Variants in ELL2 observed in about 807,000 individuals in gnomAD.
The protein encoded by ELL2 is RNA polymerase II elongation factor ELL2.
In ELL2, 21 loss-of-function variants were observed where a neutral mutation model predicts 72.8. That is an observed-to-expected ratio of 0.29 (90% CI 0.20 to 0.42). The LOEUF is 0.42. Ranked by LOEUF, ELL2 falls within the 10% of genes least tolerant of loss-of-function variation. The pLI, the probability that ELL2 is intolerant of heterozygous loss-of-function variation, is 1.00. For synonymous variants in ELL2, 266 were observed against 283.2 expected (o/e 0.94, Z 0.61); for missense variants, 568 against 772.8 (o/e 0.73, Z 3.14).
chr5:95,944,580 A>G (rs1037140655), intron 1 of ELL2, among the ~76,000 whole-genome samples: 1 of 152,240 alleles, frequency 6.6e-6, no homozygotes, highest in Non-Finnish European at 1.5e-5. Flanking sequence ...GCCACCCCCA[A>G]ACTACTTTCC....
chr5:95,961,078 C>A (rs1337334431), intron 1 of ELL2, among the ~76,000 whole-genome samples: 1 of 152,036 alleles, frequency 6.6e-6, no homozygotes, highest in African/African-American at 2.4e-5. Context: ...AAGGTCCCAC[C>A]CCCACACGCG....
chr5:95,905,423 C>T (rs11741590), intron 5 of ELL2, among the ~76,000 whole-genome samples: 56,783 of 151,974 alleles, frequency 0.37, 11,949 homozygotes, highest in African/African-American at 0.58. Context: ...TTACCAAATG[C>T]TTTGTGATTT....
At chr5:95,929,703 A>G (rs1750526096) in intron 2 of ELL2, among the ~76,000 whole-genome samples, 1 of 152,100 alleles carries the variant, frequency 6.6e-6, no homozygotes, top group African/African-American at 2.4e-5. Context: ...ATGGATTTGA[A>G]ATAGATGACT....
Position 95,929,852 on chromosome 5 carries a change from G to A in ELL2, c.196-10307C>T, listed in dbSNP as rs4563648. On this transcript the variant is annotated intron_variant, in intron 2 of 11. Coordinates refer to ENST00000237853, the MANE Select transcript of ELL2 (RefSeq NM_012081.6). ...CCTGCTGTGTGGTACAAATGTCAGG[G>A]TGAGAAAGTTTCTAACCTCTCTTAT... 0.38 allele frequency among the ~76,000 whole-genome samples: 57,253 copies of A among 151,256 alleles called. 12,278 individuals carry two copies. The highest frequency in any genetic ancestry group is 0.59 in the African/African-American group (24,475 of 41,306).
At chr5:95,927,409 G>A (rs569309961) in intron 2 of ELL2, among the ~76,000 whole-genome samples, 902 of 13,426 alleles carry the variant, frequency 0.067, 249 homozygotes, top group Non-Finnish European at 0.083. Flanking sequence ...ATACACACAC[G>A]TGTGTATATA....
intron 2 of ELL2, among the ~76,000 whole-genome samples, chr5:95,939,728 T>G (rs1215257449): frequency 1.3e-5 from 2 of 152,252 alleles, no homozygotes; most frequent in Non-Finnish European, 2.9e-5. Flanking sequence ...TGGAAAATTA[T>G]CACCTGTCAC....
intron 2 of ELL2, among the ~76,000 whole-genome samples, chr5:95,936,365 C>T (rs552402677): frequency 2.0e-5 from 3 of 152,234 alleles, no homozygotes; most frequent in African/African-American, 4.8e-5. Context: ...GACAGTGAAT[C>T]GAGCTATCCT....
intron 2 of ELL2, among the ~76,000 whole-genome samples, chr5:95,922,956 T>C (rs1298682888): frequency 1.3e-5 from 2 of 152,222 alleles, no homozygotes; most frequent in African/African-American, 4.8e-5. Context: ...TATTGGCATG[T>C]AGTGGGAGGC....
chr5:95,914,741 A>G (rs1749721770), intron 3 of ELL2, among the ~76,000 whole-genome samples: 1 of 152,084 alleles, frequency 6.6e-6, no homozygotes, highest in Non-Finnish European at 1.5e-5. Flanking sequence ...GCTAGTCAGG[A>G]GACTGAAGTG....
chr5:95,957,362 C>A lies in ELL2; in HGVS notation c.147+4213G>T, dbSNP rs143349988. ...ATATGCTCATTTAAAATATGTAGAG[C>A]TTATGTAGACCACACAATCACAGAT... On this transcript the variant is annotated intron_variant, in intron 1 of 11. Transcript: ENST00000237853. Among the ~76,000 whole-genome samples, 420 of 152,188 alleles carry A rather than the reference C, an allele frequency of 2.8e-3. 1 individual carries two copies. The highest frequency in any genetic ancestry group is 9.4e-3 in the African/African-American group (389 of 41,520).
chr5:95,910,628 A>G (rs2112296656), intron 4 of ELL2, among the ~76,000 whole-genome samples: 1 of 152,110 alleles, frequency 6.6e-6, no homozygotes, highest in East Asian at 1.9e-4. Flanking sequence ...CTGGGCAATG[A>G]GGCCAGGTGA....
chr5:95,926,163 T>C (rs1055399963), intron 2 of ELL2, among the ~76,000 whole-genome samples: 28 of 149,540 alleles, frequency 1.9e-4, no homozygotes, highest in Non-Finnish European at 3.7e-4. Context: ...CCAAACATTA[T>C]GGGTTGAGGG....
At position 95,885,397 on chromosome 5, in the gene ELL2, T is replaced by C. The variant is rs543963052; in HGVS notation, c.*3474A>G. The C allele has an allele frequency of 1.3e-5, 2 of 152,380 alleles. No homozygotes were observed. Among genetic ancestry groups the C allele is most frequent in the African/African-American group, 4.8e-5 (2 of 41,594 alleles). 9.4% of individuals were successfully genotyped at this position (152,380 alleles called of 1,614,324 possible). ...TCTGAAAACTTTCCTCTCAAAGTGC[T>C]GGCTATAATTTTTTCTCCATCCAGT... On this transcript the variant is annotated 3_prime_UTR_variant, in exon 12 of 12. Coordinates refer to ENST00000237853, the MANE Select transcript of ELL2 (RefSeq NM_012081.6).
At chr5:95,910,195 T>A (rs1749531181) in intron 4 of ELL2, among the ~76,000 whole-genome samples, 1 of 151,950 alleles carries the variant, frequency 6.6e-6, no homozygotes, top group Admixed American at 6.6e-5. Flanking sequence ...AAAAGTAAGA[T>A]GTTAAATGAT....
intron 4 of ELL2, among the ~76,000 whole-genome samples, chr5:95,910,101 C>T (rs1484000032): frequency 6.6e-6 from 1 of 152,184 alleles, no homozygotes; most frequent in East Asian, 1.9e-4. Context: ...AATATATATA[C>T]TGAACATTCA....
At chr5:95,911,995 G>C (rs1749621727) in intron 4 of ELL2, among the ~76,000 whole-genome samples, 1 of 152,172 alleles carries the variant, frequency 6.6e-6, no homozygotes, top group African/African-American at 2.4e-5. Flanking sequence ...GGAGAGGGGA[G>C]GTATAATTTG....
intron 1 of ELL2, among the ~76,000 whole-genome samples, chr5:95,950,957 A>G: frequency 8.0e-6 from 1 of 125,436 alleles, no homozygotes; most frequent in South Asian, 2.5e-4. Context: ...TATATATAAA[A>G]TCTTCATATA....
intron 1 of ELL2, 31 bp from the exon 2 acceptor site, chr5:95,943,080 T>G (rs1410460019): frequency 1.0e-5 from 16 of 1,574,468 alleles, no homozygotes; most frequent in Non-Finnish European, 1.3e-5. Flanking sequence ...AACAAACAGG[T>G]AAACCTTGGT....
intron 2 of ELL2, among the ~76,000 whole-genome samples, chr5:95,923,348 T>C (rs141086733): frequency 6.2e-4 from 95 of 152,288 alleles, no homozygotes; most frequent in African/African-American, 2.2e-3. Context: ...ATTCTCAGAC[T>C]GCTAAAGATC....
Sources: allele counts gnomAD v4.1 joint callset (sites outside exome capture counted in the v4.1 genomes callset), GRCh38; gene constraint gnomAD v4.1.1; transcripts MANE v1.5; gene names NCBI Gene and HGNC (gene_info 2026-07-23, HGNC 2026-07-21).